Variants in G6PD observed in about 807,000 individuals in gnomAD.
G6PD encodes the protein glucose-6-phosphate 1-dehydrogenase.
A neutral mutation model predicts 38.2 loss-of-function variants in G6PD; 2 were observed. That is an observed-to-expected ratio of 0.05 (90% CI 0.02 to 0.16). The LOEUF (loss-of-function observed/expected upper bound fraction) is 0.16, where lower values mean the gene tolerates loss of function less well. Among genes scored for constraint, G6PD ranks in the 10% least tolerant of loss-of-function variants. The pLI is 1.00. For synonymous variants in G6PD, 188 were observed against 196.0 expected (o/e 0.96, Z 0.34); for missense variants, 310 against 471.6 (o/e 0.66, Z 3.17).
upstream of G6PD, chrX:154,547,359 G>A: frequency 1.3e-6 from 1 of 755,141 alleles, no homozygotes; most frequent in Non-Finnish European, 1.6e-6. Flanking sequence ...TTCCTCCCCC[G>A]GAGAGGGCGG....
At chrX:154,543,025 A>C (rs1162493044) in intron 2 of G6PD, among the ~76,000 whole-genome samples, 1 of 111,935 alleles carries the variant, frequency 8.9e-6, no homozygotes, top group African/African-American at 3.3e-5. Flanking sequence ...ACGTGCCCTC[A>C]AGTGCCACCC....
intron 2 of G6PD, chrX:154,542,175 A>G: frequency 1.7e-6 from 1 of 577,225 alleles, no homozygotes; most frequent in Admixed American, 3.6e-5. Flanking sequence ...CAGCCCAGAA[A>G]TGTTCTGAGG....
chrX:154,539,037 A>G (rs2070443362), intron 2 of G6PD, among the ~76,000 whole-genome samples: 1 of 112,112 alleles, frequency 8.9e-6, no homozygotes, highest in Non-Finnish European at 1.9e-5. Context: ...CATCCCTTTA[A>G]GCAATCAGGA....
rs77362384 is a variant in G6PD, at chrX:154,536,030, A to G, written c.174T>C (p.Asp58=). The G allele has an allele frequency of 8.3e-7, 1 of 1,211,712 alleles. No homozygotes were observed. The highest frequency in any genetic ancestry group is 1.1e-6 in the Non-Finnish European group (1 of 895,107). The change falls in exon 4 of 13, where the codon GAT becomes GAC. Residue 58 remains aspartate (D), a synonymous_variant. Transcript: ENST00000393562. ...TGAAGGTGTTTTCGGGCAGAAGGCC[A>G]TCCCGGAACAGCCACCTGAGGGCAG... ...IYPTIWWLFR[D]GLLPENTFIV...
At chrX:154,533,225 G>A in intron 8 of G6PD, 97 bp from the exon 9 acceptor site, 1 of 999,199 alleles carries the variant, frequency 1.0e-6, no homozygotes. Context: ...AGGGCAGGAG[G>A]AGGCCCCTGC....
intron 2 of G6PD, chrX:154,542,536 T>C: frequency 9.4e-7 from 1 of 1,062,970 alleles, no homozygotes; most frequent in Non-Finnish European, 1.2e-6. Context: ...TGAGGTGCCA[T>C]CAGGGCCCCC....
At position 154,533,163 on chromosome X, in the gene G6PD, G is replaced by A. The variant is rs1171758418; in HGVS notation, c.865-35C>T. ...AGCCAAGGGAGAGAATGGGCTCCTT[G>A]GGTGTTGAGTTGGGGTGCAGGGATG... On this transcript the variant is annotated intron_variant, in intron 8 of 12. Coordinates refer to ENST00000393562, the MANE Select transcript of G6PD (RefSeq NM_001360016.2). 9 of 1,190,127 alleles carry A rather than the reference G, an allele frequency of 7.6e-6. No homozygotes were observed. The East Asian group carries it at 2.4e-4, about 31-fold the overall frequency.
Position 154,531,989 on chromosome X carries a change from G to A in G6PD, c.*11C>T. 8.3e-7 allele frequency: 1 copy of A among 1,199,976 alleles called. No homozygotes were observed. Among genetic ancestry groups the A allele is most frequent in the East Asian group, 3.0e-5 (1 of 33,342 alleles). The stretch of plus-strand genomic sequence containing the variant: ...GTGGCCGTGGCGGGGGTGGAGGTGG[G>A]TGCCCAGGGCTCAGAGCTTGTGGGG... On this transcript the variant is annotated 3_prime_UTR_variant, in exon 13 of 13. Coordinates refer to ENST00000393562, the MANE Select transcript of G6PD (RefSeq NM_001360016.2).
At chrX:154,534,647 A>G in intron 5 of G6PD, 151 bp from the exon 6 acceptor site, 1 of 636,694 alleles carries the variant, frequency 1.6e-6, no homozygotes, top group Non-Finnish European at 2.4e-6. Flanking sequence ...TTCCCAGATG[A>G]CCCTCTGGCT....
chrX:154,534,071 C>T lies in G6PD; in HGVS notation c.734G>A (p.Gly245Asp). The change falls in exon 7 of 13, where the codon GGT becomes GAT. Residue 245 changes from glycine (G) to aspartate (D), a missense_variant. By Grantham distance (94) the Gly-to-Asp change is moderately conservative. Coordinates refer to ENST00000393562, the MANE Select transcript of G6PD (RefSeq NM_001360016.2). ...LTFKEPFGTEGRGGYFDEFGI... is the reference protein window; with the variant it reads ...LTFKEPFGTEDRGGYFDEFGI... ...AAATTCATCGAAATAGCCCCCGCGA[C>T]CCTCAGTGCCAAAGGGCTCCTTGAA... is the stretch of plus-strand genomic sequence containing the variant. The T allele has an allele frequency of 2.5e-6, 3 of 1,211,895 alleles. No homozygotes were observed. Among genetic ancestry groups the T allele is most frequent in the Non-Finnish European group, 3.4e-6 (3 of 895,462 alleles).
At position 154,531,819 on chromosome X, in the gene G6PD, T is replaced by C; in HGVS notation, c.*181A>G. 1 of 775,106 alleles carries C rather than the reference T, an allele frequency of 1.3e-6. No individual in the cohort carries two copies. Among genetic ancestry groups the C allele is most frequent in the Non-Finnish European group, 1.8e-6 (1 of 543,071 alleles). The allele number at this position is 775,106 out of a possible 1,213,427, so 63.9% of individuals were successfully genotyped here. A position where few individuals can be genotyped will look rare whatever the true frequency, so the allele number is the denominator to read the frequency against. On this transcript the variant is annotated 3_prime_UTR_variant, in exon 13 of 13. Coordinates refer to ENST00000393562, the MANE Select transcript of G6PD (RefSeq NM_001360016.2). The stretch of plus-strand genomic sequence containing the variant: ...AGGGGCCAGGATGGTCTCGAGTGCT[T>C]GGCAGCTGAGGAATGTAGCTGGGCT...
chrX:154,534,719 G>A lies in G6PD; in HGVS notation c.486-223C>T, dbSNP rs112299865. Among the ~76,000 whole-genome samples, 480 of 111,510 alleles carry A rather than the reference G, an allele frequency of 4.3e-3. 3 individuals are homozygous for A. The highest frequency in any genetic ancestry group is 7.5e-3 in the Non-Finnish European group (394 of 52,795). On this transcript the variant is annotated intron_variant, in intron 5 of 12. Coordinates refer to ENST00000393562, the MANE Select transcript of G6PD (RefSeq NM_001360016.2). ...AGGGTGGCATTGCTGGCATGCTGCC[G>A]GGGGCCCGTTCCCCTCCTGCCTCAT...
In G6PD at chrX:154,536,035, G is replaced by A. The variant is rs2070404778; in HGVS notation, c.169C>T (p.Arg57Trp). The A allele has an allele frequency of 8.3e-7, 1 of 1,209,983 alleles. No homozygotes were observed. The highest frequency in any genetic ancestry group is 2.2e-5 in the Admixed American group (1 of 45,936). The change falls in exon 4 of 13, where the codon CGG becomes TGG. Residue 57 changes from arginine (R) to tryptophan (W), a missense_variant. This residue lies in a region of G6PD where 17 missense variants were observed against 40.8 expected (regional missense o/e 0.42). Transcript: ENST00000393562. ...GTGTTTTCGGGCAGAAGGCCATCCCGGAACAGCCACCTGAGGGCAGGGCAC... is the reference window on the plus strand; with the variant it reads ...GTGTTTTCGGGCAGAAGGCCATCCCAGAACAGCCACCTGAGGGCAGGGCAC... The part of the protein sequence containing the change: ...KIYPTIWWLF[R>W]DGLLPENTFI...
rs1557229916 is a variant in G6PD, at chrX:154,533,110, TG to T, written c.882del (p.Cys294Ter). 8.3e-7 allele frequency: 1 copy of T among 1,211,985 alleles called. No homozygotes were observed. The highest frequency in any genetic ancestry group is 1.1e-6 in the Non-Finnish European group (1 of 895,502). ...ACATTGTTGGCCTGCACCTCTGAGA[TG>T]CATTTCAACACCTTGACCTGAGAGA... ...VRDEKVKVLKCISEVQANNVV... is the reference protein window; with the variant it reads ...VRDEKVKVLKXISEVQANNVV... On this transcript the variant is annotated frameshift_variant, in exon 9 of 13. Transcript: ENST00000393562. LOFTEE classifies it high-confidence loss of function.
At chrX:154,542,287 G>C in intron 2 of G6PD, 1 of 1,163,114 alleles carries the variant, frequency 8.6e-7, no homozygotes, top group Non-Finnish European at 1.2e-6. Flanking sequence ...TCCAGGTGGG[G>C]AAACTAAGGC....
chrX:154,534,364 C>T lies in G6PD; in HGVS notation c.618G>A (p.Glu206=), dbSNP rs1160551863. The change falls in exon 6 of 13, where the codon GAG becomes GAA. Residue 206 remains glutamate, a synonymous_variant. Transcript: ENST00000393562. ...IYRIDHYLGK[E]MVQNLMVLRF... is the part of the protein sequence containing the mutation. ...TCAGCACCATGAGGTTCTGCACCAT[C>T]TCCTTGCCCAGGTAGTGGTCGATGC... 26 of 1,209,963 alleles carry T rather than the reference C, an allele frequency of 2.1e-5. No individual in the cohort carries two copies. The highest frequency in any genetic ancestry group is 1.5e-4 in the Admixed American group (7 of 45,758).
At chrX:154,546,711 G>A in intron 1 of G6PD, 78 bp downstream of exon 1, 1 of 831,007 alleles carries the variant, frequency 1.2e-6, no homozygotes, top group East Asian at 3.6e-5. Flanking sequence ...ACAACAAACA[G>A]CGTGTATTTT....
At chrX:154,547,288 C>G (rs1387461987), upstream of G6PD, 1 of 739,054 alleles carries the variant, frequency 1.4e-6, no homozygotes, top group Non-Finnish European at 1.6e-6. Context: ...CCGCGCCACT[C>G]CCCCGGGAAC....
rs1557229893 is a variant in G6PD, at chrX:154,533,054, A to G, written c.939T>C (p.Asp313=). The G allele has an allele frequency of 3.3e-6, 4 of 1,211,911 alleles. No individual in the cohort carries two copies. In the South Asian group the frequency reaches 5.3e-5, roughly 16 times the overall value. The part of the protein sequence containing the change: ...VVLGQYVGNP[D]GEGEATKGYL... ...ACCCTTTGGTGGCCTCGCCCTCTCC[A>G]TCGGGGTTCCCCACGTACTGGCCCA... is the stretch of plus-strand genomic sequence containing the variant. Residue 313 remains aspartate, a synonymous_variant, in exon 9 of 13, where the codon GAT becomes GAC. Transcript: ENST00000393562.
Sources: gnomAD v4.1 joint callset for allele counts (sites outside exome capture counted in the v4.1 genomes callset) on GRCh38, gnomAD v4.1.1 for gene constraint, gnomAD v4.1.1 regional missense constraint, MANE v1.5 for transcripts, NCBI Gene and HGNC (gene_info 2026-07-23, HGNC 2026-07-21) for gene names.